Variants in MEIOB observed in about 807,000 individuals in gnomAD.
MEIOB encodes the protein meiosis specific with OB-fold, also known as meiosis-specific with OB domain-containing protein.
In MEIOB, 50 loss-of-function variants were observed where a neutral mutation model predicts 53.1. The observed-to-expected ratio is 0.94, with a 90% CI of 0.75 to 1.19. MEIOB has a LOEUF of 1.19. Among genes scored for constraint, MEIOB ranks in the 50% most tolerant of loss-of-function variants. The probability of loss-of-function intolerance (pLI) is 0.00; values close to 1 mark genes in which losing one functional copy is unlikely to be tolerated. For missense variants in MEIOB, 551 were observed against 550.8 expected, an observed-to-expected ratio of 1.00 and a Z score of 0.00; for synonymous variants, 192 against 182.5, an observed-to-expected ratio of 1.05 and a Z score of -0.42.
chr16:1,845,109 G>A (rs1898998946), intron 9 of MEIOB, 146 bp from the exon 10 acceptor site: 1 of 541,800 alleles, frequency 1.8e-6, no homozygotes, highest in Non-Finnish European at 3.3e-6. Flanking sequence ...TTAACAATGT[G>A]ATGTAGAATT....
rs1307852714 is a variant in MEIOB at position 1,872,023 on chromosome 16, G to C, written c.-40C>G. 1 of 150,686 alleles carries C rather than the reference G, an allele frequency of 6.6e-6. No individual in the cohort carries two copies. The highest frequency in any genetic ancestry group is 6.6e-5 in the Admixed American group (1 of 15,132). The allele number at this position is 150,686 out of a possible 1,614,324, so 9.3% of individuals were successfully genotyped here. The stretch of plus-strand genomic sequence containing the variant: ...GCTCGCCCGGCCGGCTGCTCCCCGG[G>C]CCTGCACAGCTGCCGCCGCGGCCTC... On this transcript the variant is annotated 5_prime_UTR_variant, in exon 1 of 14. Transcript: ENST00000325962.
At chr16:1,846,793 C>T (rs1025487198) in intron 9 of MEIOB, among the ~76,000 whole-genome samples, 1 of 151,996 alleles carries the variant, frequency 6.6e-6, no homozygotes, top group African/African-American at 2.4e-5. Flanking sequence ...CACACTGGGG[C>T]CTGTTGGGGA....
rs190685064 is a variant in MEIOB, at chr16:1,865,795, C to T, written c.110G>A (p.Gly37Asp). The T allele has an allele frequency of 1.3e-6, 2 of 1,548,472 alleles. No homozygotes were observed. The highest frequency in any genetic ancestry group is 8.7e-7 in the Non-Finnish European group (1 of 1,146,074). The change falls in exon 3 of 14, where the codon GGC (glycine) becomes GAC (aspartate). Residue 37 changes from glycine to aspartate, a missense_variant. Transcript: ENST00000325962. ...AACTCAGCTTTTTCTGTCTGGAAAG[C>T]CTTTGACATCTGTTTTCCCAATAAC... The part of the protein sequence containing the change: ...GIVIGKTDVK[G>D]FPDRKNIGSE...
chr16:1,865,023 C>A (rs976728594), intron 3 of MEIOB, among the ~76,000 whole-genome samples: 1 of 152,134 alleles, frequency 6.6e-6, no homozygotes, highest in Non-Finnish European at 1.5e-5. Flanking sequence ...AAGCATCATG[C>A]CTGTAATCTG....
At chr16:1,865,365 G>A (rs372452728) in intron 3 of MEIOB, among the ~76,000 whole-genome samples, 1 of 151,958 alleles carries the variant, frequency 6.6e-6, no homozygotes, top group Non-Finnish European at 1.5e-5. Context: ...CCAGGAGGCA[G>A]AGGTTGCAGT....
At chr16:1,852,254 CTTTTTTTTTTTT>C (rs56066518) in intron 9 of MEIOB, among the ~76,000 whole-genome samples, 21 of 94,002 alleles carry the variant, frequency 2.2e-4, no homozygotes, top group South Asian at 3.6e-4. Context: ...TGGTTTTTCA[CTTTTTTTTTTTT>C]TTTTTTTTTT....
At chr16:1,862,646 C>T (rs1010695037) in intron 3 of MEIOB, among the ~76,000 whole-genome samples, 4 of 151,840 alleles carry the variant, frequency 2.6e-5, no homozygotes, top group African/African-American at 9.7e-5. Context: ...ATAGGCCGGG[C>T]GCAATGGCTC....
At chr16:1,845,292 G>A (rs1235239430) in intron 9 of MEIOB, among the ~76,000 whole-genome samples, 1 of 152,176 alleles carries the variant, frequency 6.6e-6, no homozygotes, top group Admixed American at 6.5e-5. Flanking sequence ...GGCTGAAGCA[G>A]GTGAATCACA....
At chr16:1,852,995 T>A (rs761312290) in intron 9 of MEIOB, 44 bp downstream of exon 9, 1 of 1,120,400 alleles carries the variant, frequency 8.9e-7, no homozygotes, top group Non-Finnish European at 1.4e-6. Flanking sequence ...TGAAATGTGT[T>A]CAGTCATTTC....
intron 6 of MEIOB, among the ~76,000 whole-genome samples, chr16:1,855,590 A>G (rs1899280382): frequency 6.6e-6 from 1 of 152,224 alleles, no homozygotes; most frequent in Non-Finnish European, 1.5e-5. Flanking sequence ...TGCTTATACT[A>G]CTATATTCAT....
intron 13 of MEIOB, among the ~76,000 whole-genome samples, chr16:1,837,251 T>C (rs62038400): frequency 0.065 from 9,930 of 152,034 alleles, 429 homozygotes; most frequent in Admixed American, 0.12. Flanking sequence ...GGGATTAGGA[T>C]TCAGACCAAA....
At chr16:1,861,363 A>C (rs2754189) in intron 4 of MEIOB, among the ~76,000 whole-genome samples, 124,970 of 151,972 alleles carry the variant, frequency 0.82, 51,521 homozygotes, top group Middle Eastern at 0.9. Flanking sequence ...TTATCAAAAT[A>C]TATTCAGTGG....
chr16:1,842,647 T>A (rs921855913), intron 10 of MEIOB, among the ~76,000 whole-genome samples: 2 of 127,028 alleles, frequency 1.6e-5, no homozygotes, highest in East Asian at 5.2e-4. Flanking sequence ...CTCGATTTTT[T>A]TTATTATTAT....
intron 10 of MEIOB, chr16:1,843,314 T>TA (rs934695826): frequency 2.7e-5 from 4 of 146,966 alleles, no homozygotes; most frequent in African/African-American, 1.0e-4. Context: ...TAAAAAAAAA[T>TA]AATAAATAAA....
rs1195446781 is a variant in MEIOB, at chr16:1,834,428, G to C, written c.1306-62C>G. The C allele has an allele frequency of 4.5e-6, 4 of 884,266 alleles. No individual in the cohort carries two copies. In the Admixed American group the frequency reaches 6.2e-5, roughly 14 times the overall value. 54.8% of individuals were successfully genotyped at this position (884,266 alleles called of 1,614,324 possible). Reference sequence around the variant, plus strand: ...TTTTTAAAATCCCCTTGTATATCAAGTTGAAAAATCAATGATCACGAATAG... The same window carrying C: ...TTTTTAAAATCCCCTTGTATATCAACTTGAAAAATCAATGATCACGAATAG... On this transcript the variant is annotated intron_variant, in intron 13 of 13. Coordinates refer to ENST00000325962, the MANE Select transcript of MEIOB (RefSeq NM_001163560.3).
chr16:1,837,231 G>A (rs1211717533), intron 13 of MEIOB, among the ~76,000 whole-genome samples: 1 of 152,112 alleles, frequency 6.6e-6, no homozygotes, highest in Non-Finnish European at 1.5e-5. Context: ...CTCACAGGCT[G>A]AGGTGTGGTG....
chr16:1,871,125 T>C (rs907042319), intron 1 of MEIOB, among the ~76,000 whole-genome samples: 1 of 152,120 alleles, frequency 6.6e-6, no homozygotes, highest in African/African-American at 2.4e-5. Context: ...CTGGTCACTT[T>C]AACAGATACA....
intron 9 of MEIOB, among the ~76,000 whole-genome samples, chr16:1,846,289 G>A (rs1018192915): frequency 3.3e-5 from 5 of 152,166 alleles, no homozygotes; most frequent in Non-Finnish European, 5.9e-5. Flanking sequence ...GATGGGGGCT[G>A]GCAGGGATGG....
intron 9 of MEIOB, among the ~76,000 whole-genome samples, chr16:1,848,360 A>G (rs1431413968): frequency 6.6e-6 from 1 of 152,134 alleles, no homozygotes; most frequent in Non-Finnish European, 1.5e-5. Flanking sequence ...CTTCAGGTGA[A>G]TTAAGCATCA....
Sources: allele counts gnomAD v4.1 joint callset (sites outside exome capture counted in the v4.1 genomes callset), GRCh38; gene constraint gnomAD v4.1.1; transcripts MANE v1.5; gene names NCBI Gene and HGNC (gene_info 2026-07-23, HGNC 2026-07-21).